The following FHIT variants were observed in gnomAD, a reference collection of about 807,000 sequenced individuals.
The protein encoded by FHIT is fragile histidine triad diadenosine triphosphatase.
In FHIT, 19 loss-of-function variants were observed where a neutral mutation model predicts 17.9. The observed-to-expected ratio is 1.06, with a 90% CI of 0.74 to 1.56. The LOEUF is 1.56. FHIT is among the 40% of genes most tolerant of loss of function. The pLI is 0.00. For synonymous variants in FHIT, 81 were observed against 69.7 expected (o/e 1.16, Z -0.81); for missense variants, 248 against 189.2 (o/e 1.31, Z -1.82).
intron 8 of FHIT, among the ~76,000 whole-genome samples, chr3:59,874,226 C>T (rs1312085860): frequency 3.9e-5 from 6 of 152,196 alleles, no homozygotes; most frequent in Admixed American, 3.9e-4. Flanking sequence ...CTCTCAAGTC[C>T]ATCGATCCAA....
intron 8 of FHIT, among the ~76,000 whole-genome samples, chr3:59,885,197 T>C (rs1159357096): frequency 6.6e-6 from 1 of 152,214 alleles, no homozygotes; most frequent in Non-Finnish European, 1.5e-5. Flanking sequence ...TTTCTATATA[T>C]GTTCAGAAGA....
intron 5 of FHIT, among the ~76,000 whole-genome samples, chr3:60,462,833 A>G (rs1041439479): frequency 1.3e-5 from 2 of 152,036 alleles, no homozygotes. Flanking sequence ...TGAGTCCAAA[A>G]GACTTTTCTG....
At chr3:60,689,078 T>TGAATA (rs2040927384) in intron 4 of FHIT, among the ~76,000 whole-genome samples, 1 of 152,162 alleles carries the variant, frequency 6.6e-6, no homozygotes, top group Admixed American at 6.5e-5. Context: ...GTTCTCCTGA[T>TGAATA]AGTGAATAAG....
intron 4 of FHIT, among the ~76,000 whole-genome samples, chr3:60,703,253 G>C (rs2041290050): frequency 6.6e-6 from 1 of 152,170 alleles, no homozygotes; most frequent in African/African-American, 2.4e-5. Flanking sequence ...AAAGGCAAGG[G>C]AGGGCCACCC....
At chr3:60,868,093 T>C (rs116751552) in intron 3 of FHIT, among the ~76,000 whole-genome samples, 325 of 152,204 alleles carry the variant, frequency 2.1e-3, no homozygotes, top group African/African-American at 7.4e-3. Context: ...AATAAAAACA[T>C]AAGAAGGTTG....
Position 60,760,215 on chromosome 3 carries a change from C to A in FHIT, c.-18+61704G>T, listed in dbSNP as rs113520974. On this transcript the variant is annotated intron_variant, in intron 4 of 9. Coordinates refer to ENST00000492590, the MANE Select transcript of FHIT (RefSeq NM_002012.4). ...TGATGCAGGAGAGAACAGATAATTG[C>A]GGAAGCCAAGTGTTTTTGTAGGCAT... 6.4e-3 allele frequency among the ~76,000 whole-genome samples: 980 copies of A among 152,226 alleles called. 6 individuals are homozygous for A. Among genetic ancestry groups the A allele is most frequent in the African/African-American group, 0.022 (918 of 41,536 alleles).
chr3:60,853,480 C>G (rs555066411), intron 3 of FHIT, among the ~76,000 whole-genome samples: 1 of 151,990 alleles, frequency 6.6e-6, no homozygotes, highest in African/African-American at 2.4e-5. Flanking sequence ...ATGACCTTCA[C>G]GAGCACCCAA....
At chr3:60,391,906 G>C (rs946535570) in intron 5 of FHIT, among the ~76,000 whole-genome samples, 1 of 151,598 alleles carries the variant, frequency 6.6e-6, no homozygotes, top group African/African-American at 2.4e-5. Flanking sequence ...ACTCTTGGCT[G>C]GTGCCTTTCC....
intron 5 of FHIT, among the ~76,000 whole-genome samples, chr3:60,226,036 C>T (rs1225222998): frequency 6.6e-6 from 1 of 152,096 alleles, no homozygotes; most frequent in Non-Finnish European, 1.5e-5. Context: ...TTTAGCAGAG[C>T]AGCAATGGGA....
chr3:60,993,340 T>G (rs2030410914), intron 3 of FHIT, among the ~76,000 whole-genome samples: 1 of 152,242 alleles, frequency 6.6e-6, no homozygotes, highest in South Asian at 2.1e-4. Flanking sequence ...CATTCCGGAT[T>G]CAGACTGTCC....
chr3:60,157,988 A>G (rs148573483), intron 5 of FHIT, among the ~76,000 whole-genome samples: 40 of 152,252 alleles, frequency 2.6e-4, no homozygotes, highest in East Asian at 1.4e-3. Flanking sequence ...CCTGAAAGAG[A>G]CTAGTTGTTC....
At chr3:60,518,928 A>T (rs532905034) in intron 5 of FHIT, among the ~76,000 whole-genome samples, 1 of 152,186 alleles carries the variant, frequency 6.6e-6, no homozygotes, top group East Asian at 1.9e-4. Context: ...GCTTGAACCC[A>T]GGAGGTGGAG....
intron 5 of FHIT, among the ~76,000 whole-genome samples, chr3:60,139,171 T>C (rs1354330673): frequency 6.6e-6 from 1 of 152,132 alleles, no homozygotes; most frequent in African/African-American, 2.4e-5. Flanking sequence ...CATCTGGAAA[T>C]GTAATGTTTG....
chr3:59,935,053 G>GT (rs1706166479), intron 7 of FHIT, among the ~76,000 whole-genome samples: 1 of 152,120 alleles, frequency 6.6e-6, no homozygotes, highest in Non-Finnish European at 1.5e-5. Flanking sequence ...ACTGCCTTGG[G>GT]TTATGGACAG....
chr3:60,515,047 G>T (rs1360709372), intron 5 of FHIT, among the ~76,000 whole-genome samples: 1 of 151,984 alleles, frequency 6.6e-6, no homozygotes, highest in African/African-American at 2.4e-5. Context: ...GACAGACAAG[G>T]TGAGGCAGGC....
At chr3:60,021,025 A>C (rs891062995) in intron 5 of FHIT, among the ~76,000 whole-genome samples, 1 of 152,218 alleles carries the variant, frequency 6.6e-6, no homozygotes, top group Non-Finnish European at 1.5e-5. Context: ...TAAAGGGTTC[A>C]TGGGATATTC....
intron 4 of FHIT, among the ~76,000 whole-genome samples, chr3:60,572,495 C>T (rs1316656725): frequency 6.6e-6 from 1 of 151,568 alleles, no homozygotes; most frequent in Non-Finnish European, 1.5e-5. Flanking sequence ...TAAAAATCCA[C>T]AGCCAATATT....
intron 5 of FHIT, among the ~76,000 whole-genome samples, chr3:60,419,308 T>A (rs1559898128): frequency 6.6e-6 from 1 of 152,190 alleles, no homozygotes; most frequent in South Asian, 2.1e-4. Context: ...TCTCTATCAT[T>A]CTTAGCTAGT....
chr3:60,853,601 G>A lies in FHIT; in HGVS notation c.-110-31590C>T, dbSNP rs1223348356. Among the ~76,000 whole-genome samples the A allele has an allele frequency of 2.0e-5, 3 of 151,970 alleles. No homozygotes were observed. The East Asian group carries it at 5.8e-4, about 29-fold the overall frequency. On this transcript the variant is annotated intron_variant, in intron 3 of 9. Coordinates refer to ENST00000492590, the MANE Select transcript of FHIT (RefSeq NM_002012.4). ...TCTTCTGAGGGATAATAAATTCAGGGGGAAGCAAACCTCACCTTTGTATTT... is the reference window on the plus strand; with the variant it reads ...TCTTCTGAGGGATAATAAATTCAGGAGGAAGCAAACCTCACCTTTGTATTT...
Sources: gnomAD v4.1 joint callset for allele counts (sites outside exome capture counted in the v4.1 genomes callset) on GRCh38, gnomAD v4.1.1 for gene constraint, MANE v1.5 for transcripts, NCBI Gene and HGNC (gene_info 2026-07-23, HGNC 2026-07-21) for gene names.